EPHA6: variants seen among roughly 807,000 people sequenced by gnomAD.
EPHA6 encodes the protein EPH receptor A6, also known as ephrin type-A receptor 6.
In EPHA6, 50 loss-of-function variants were observed where a neutral mutation model predicts 112.0. The ratio of observed to expected loss-of-function variants is 0.45; its 90% CI spans 0.36 to 0.56. EPHA6 has a LOEUF of 0.56. Ranked by LOEUF, EPHA6 falls within the 20% of genes least tolerant of loss-of-function variation. EPHA6 has a pLI of 0.00. For synonymous variants in EPHA6, 529 were observed against 490.7 expected (o/e 1.08, Z -1.03); for missense variants, 1,280 against 1,417.4 (o/e 0.90, Z 1.56).
At chr3:97,116,188 C>T (rs927711660) in intron 3 of EPHA6, among the ~76,000 whole-genome samples, 6 of 151,730 alleles carry the variant, frequency 4.0e-5, no homozygotes, top group East Asian at 1.9e-4. Context: ...ATTAGAGTAT[C>T]GTGATCTTTG....
intron 6 of EPHA6, among the ~76,000 whole-genome samples, chr3:97,418,480 AC>A (rs1312749125): frequency 1.3e-5 from 2 of 152,154 alleles, no homozygotes; most frequent in East Asian, 3.8e-4. Flanking sequence ...GAAATCACTG[AC>A]AAAAAAACAT....
chr3:96,854,903 T>G (rs971218035), intron 1 of EPHA6, among the ~76,000 whole-genome samples: 3 of 152,174 alleles, frequency 2.0e-5, no homozygotes, highest in Non-Finnish European at 2.9e-5. Context: ...TACTACATAT[T>G]CAGTGGTTTA....
chr3:97,046,175 A>G (rs2045499786), intron 3 of EPHA6, among the ~76,000 whole-genome samples: 1 of 152,186 alleles, frequency 6.6e-6, no homozygotes, highest in South Asian at 2.1e-4. Context: ...AGGACATCAT[A>G]GTCCTAAAGA....
intron 5 of EPHA6, among the ~76,000 whole-genome samples, chr3:97,261,630 TAATG>T (rs1051481621): frequency 6.6e-6 from 1 of 152,206 alleles, no homozygotes; most frequent in African/African-American, 2.4e-5. Context: ...CTACTTGACC[TAATG>T]ATTTTTAGTG....
chr3:97,503,461 C>G (rs1375207760), intron 10 of EPHA6, among the ~76,000 whole-genome samples: 3 of 152,162 alleles, frequency 2.0e-5, no homozygotes, highest in Admixed American at 1.3e-4. Context: ...TTTTTCTGCT[C>G]AGTTAGGAAC....
chr3:97,573,287 T>C (rs2093352317), intron 11 of EPHA6, among the ~76,000 whole-genome samples: 1 of 152,188 alleles, frequency 6.6e-6, no homozygotes, highest in South Asian at 2.1e-4. Context: ...TGAAGGCCTG[T>C]TAGCAAAAGG....
chr3:97,466,527 C>T (rs1217458473), intron 7 of EPHA6: 1 of 843,434 alleles, frequency 1.2e-6, no homozygotes, highest in Non-Finnish European at 2.1e-6. Flanking sequence ...GGGCCAAATC[C>T]AGGCTCTCCA....
chr3:97,425,058 C>T (rs2088996398), intron 6 of EPHA6, among the ~76,000 whole-genome samples: 1 of 152,188 alleles, frequency 6.6e-6, no homozygotes, highest in Admixed American at 6.5e-5. Flanking sequence ...GCTGCCCTAC[C>T]CCTGTGGCTT....
At chr3:97,262,818 G>C (rs1267283860) in intron 5 of EPHA6, among the ~76,000 whole-genome samples, 1 of 151,954 alleles carries the variant, frequency 6.6e-6, no homozygotes, top group Non-Finnish European at 1.5e-5. Flanking sequence ...AAGGACTTCT[G>C]TCATGTTTAC....
At chr3:97,384,861 AAACCCAC>A (rs1367074057) in intron 5 of EPHA6, among the ~76,000 whole-genome samples, 26 of 152,166 alleles carry the variant, frequency 1.7e-4, no homozygotes, top group Non-Finnish European at 5.9e-5. Context: ...GAACTCTGTT[AAACCCAC>A]ACTAAGTTTG....
At chr3:97,181,239 AG>A (rs2076980619) in intron 3 of EPHA6, among the ~76,000 whole-genome samples, 2 of 152,116 alleles carry the variant, frequency 1.3e-5, no homozygotes, top group Non-Finnish European at 2.9e-5. Context: ...GCTGCTGCAC[AG>A]GGTGGAGAAG....
At chr3:97,241,179 TAA>T (rs35234856) in intron 4 of EPHA6, among the ~76,000 whole-genome samples, 50 of 144,008 alleles carry the variant, frequency 3.5e-4, no homozygotes, top group African/African-American at 1.1e-3. Context: ...GTTTTCTAGT[TAA>T]AAAAAAAAAG....
At position 96,953,641 on chromosome 3, in the gene EPHA6, T is replaced by C. The variant is rs12485265; in HGVS notation, c.451-33689T>C. 8.0e-3 allele frequency among the ~76,000 whole-genome samples: 1,218 copies of C among 152,288 alleles called. 61 individuals carry two copies. The East Asian group carries it at 0.13, about 17-fold the overall frequency. On this transcript the variant is annotated intron_variant, in intron 2 of 17. Coordinates refer to ENST00000389672, the MANE Select transcript of EPHA6 (RefSeq NM_001080448.3). ...TGTCTTTCAGACCCTTTTTAAAAGA[T>C]AAAAATGGGCCAGTTCTACACATTT...
intron 15 of EPHA6, among the ~76,000 whole-genome samples, chr3:97,725,512 G>A (rs768764187): frequency 1.3e-5 from 2 of 152,142 alleles, no homozygotes; most frequent in East Asian, 1.9e-4. Flanking sequence ...GGTATATATC[G>A]TTTTCAAGAG....
chr3:96,912,130 G>C (rs2039249301), intron 2 of EPHA6, among the ~76,000 whole-genome samples: 1 of 151,982 alleles, frequency 6.6e-6, no homozygotes, highest in Non-Finnish European at 1.5e-5. Flanking sequence ...TGCCCTTACT[G>C]TCTGTCAGTT....
intron 5 of EPHA6, among the ~76,000 whole-genome samples, chr3:97,247,627 G>A (rs1336941860): frequency 6.6e-6 from 1 of 151,934 alleles, no homozygotes; most frequent in Non-Finnish European, 1.5e-5. Context: ...GGAGGAATTA[G>A]AGGCTGATCA....
chr3:96,902,056 A>G (rs1453017937), intron 2 of EPHA6, among the ~76,000 whole-genome samples: 1 of 152,136 alleles, frequency 6.6e-6, no homozygotes, highest in Non-Finnish European at 1.5e-5. Flanking sequence ...CTTATTACTA[A>G]TTTACAGTGT....
chr3:97,161,255 A>G (rs1283931940), intron 3 of EPHA6, among the ~76,000 whole-genome samples: 1 of 152,106 alleles, frequency 6.6e-6, no homozygotes, highest in Non-Finnish European at 1.5e-5. Flanking sequence ...CTGTTTCTCA[A>G]AGGGGACTAA....
chr3:97,694,956 T>C (rs1269891624), intron 14 of EPHA6, among the ~76,000 whole-genome samples: 2 of 152,224 alleles, frequency 1.3e-5, no homozygotes, highest in East Asian at 1.9e-4. Flanking sequence ...GGCAGTACCA[T>C]CTGATATGAG....
Sources: gnomAD v4.1 joint callset for allele counts (sites outside exome capture counted in the v4.1 genomes callset) on GRCh38, gnomAD v4.1.1 for gene constraint, MANE v1.5 for transcripts, NCBI Gene and HGNC (gene_info 2026-07-23, HGNC 2026-07-21) for gene names.